Variants in BICRAL observed in about 807,000 individuals in gnomAD.
BICRAL encodes BRD4-interacting chromatin-remodeling complex-associated protein-like.
In BICRAL, 8 loss-of-function variants were observed where a neutral mutation model predicts 91.8. The ratio of observed to expected loss-of-function variants is 0.09; its 90% confidence interval spans 0.05 to 0.16. The LOEUF (loss-of-function observed/expected upper bound fraction) is 0.16, where lower values mean the gene tolerates loss of function less well. Among genes scored for constraint, BICRAL ranks in the 10% least tolerant of loss-of-function variants. The pLI, the probability that BICRAL is intolerant of heterozygous loss-of-function variation, is 1.00. For synonymous variants in BICRAL, 445 were observed against 491.1 expected, an observed-to-expected ratio of 0.91 and a Z score of 1.24; for missense variants, 1,038 against 1,310.9, an observed-to-expected ratio of 0.79 and a Z score of 3.21.
At chr6:42,784,564 A>G (rs888196700) in intron 1 of BICRAL, among the ~76,000 whole-genome samples, 5 of 152,160 alleles carry the variant, frequency 3.3e-5, no homozygotes, top group East Asian at 1.9e-4. Flanking sequence ...TATAATTTCT[A>G]TTATATCAGC....
intron 1 of BICRAL, among the ~76,000 whole-genome samples, chr6:42,773,884 A>G (rs553021308): frequency 2.0e-5 from 3 of 152,350 alleles, no homozygotes; most frequent in African/African-American, 7.2e-5. Context: ...GATCAGAGCA[A>G]TTTTGAAGGG....
chr6:42,822,132 A>G, intron 3 of BICRAL, 69 bp downstream of exon 3: 1 of 894,774 alleles, frequency 1.1e-6, no homozygotes, highest in Non-Finnish European at 1.9e-6. Flanking sequence ...AGACAACCTA[A>G]TAGCATATAA....
intron 1 of BICRAL, among the ~76,000 whole-genome samples, chr6:42,785,939 C>T (rs145128730): frequency 3.0e-4 from 45 of 152,266 alleles, no homozygotes; most frequent in African/African-American, 1.1e-3. Flanking sequence ...CCTGTAATCT[C>T]AGCTACTCAG....
Position 42,843,676 on chromosome 6 carries a change from G to C in BICRAL, c.1840-8416G>C, listed in dbSNP as rs542374659. On this transcript the variant is annotated intron_variant, in intron 6 of 12. Coordinates refer to ENST00000314073, the MANE Select transcript of BICRAL (RefSeq NM_001393499.1). ...ATTTGAAGGGAAGTTACTGAGTTTA[G>C]GGTATGTTCGTCAAGTTTGAGGTAC... is the stretch of plus-strand genomic sequence containing the variant. Among the ~76,000 whole-genome samples the C allele has an allele frequency of 3.3e-5, 5 of 152,222 alleles. No homozygotes were observed. The South Asian group carries it at 1.0e-3, about 32-fold the overall frequency.
At chr6:42,834,653 T>TA (rs1764590118) in intron 6 of BICRAL, among the ~76,000 whole-genome samples, 1 of 152,130 alleles carries the variant, frequency 6.6e-6, no homozygotes, top group Non-Finnish European at 1.5e-5. Flanking sequence ...GTATAAAATA[T>TA]ATTGTATAAA....
Position 42,852,166 on chromosome 6 carries a change from G to C in BICRAL, c.1914G>C (p.Gln638His). The change falls in exon 7 of 13, where the codon CAG becomes CAC. Residue 638 changes from glutamine (Q) to histidine (H), a missense_variant. By Grantham distance (24) the Gln-to-His change is conservative (BLOSUM62 0). Coordinates refer to ENST00000314073, the MANE Select transcript of BICRAL (RefSeq NM_001393499.1). ...PKTTDGLRQA[Q>H]IPGLLSTTLP... ...CCACAGACGGCCTGAGGCAAGCACA[G>C]ATCCCTGGGCTCTTGAGCACCACAC... is the stretch of plus-strand genomic sequence containing the variant. The C allele has an allele frequency of 6.2e-7, 1 of 1,613,226 alleles. No individual in the cohort carries two copies. Among genetic ancestry groups the C allele is most frequent in the Non-Finnish European group, 8.5e-7 (1 of 1,179,152 alleles).
rs1240602712 is a variant in BICRAL, at chr6:42,756,925, C to A, written c.-261+9902C>A. On this transcript the variant is annotated intron_variant, in intron 1 of 14. Coordinates refer to the BICRAL transcript ENST00000614467. The stretch of plus-strand genomic sequence containing the variant: ...CTCTCTCTCTCTCTCCCTCTCCCCC[C>A]CCCCCACCCTCCCTCTCTCCCTCTC... Among the ~76,000 whole-genome samples, 9 of 98,846 alleles carry A rather than the reference C, an allele frequency of 9.1e-5. 1 individual carries two copies. The East Asian group carries it at 1.2e-3, about 13-fold the overall frequency. The allele number at this position is 98,846 out of a possible 152,430, so 64.8% of individuals were successfully genotyped here. A position where few individuals can be genotyped will look rare whatever the true frequency, so the allele number is the denominator to read the frequency against.
chr6:42,857,007 A>G, intron 9 of BICRAL, 84 bp from the exon 10 acceptor site: 1 of 1,160,618 alleles, frequency 8.6e-7, no homozygotes, highest in South Asian at 1.4e-5. Context: ...TATATATCTT[A>G]TTTTATTTGC....
At chr6:42,824,763 G>T (rs1764241576) in intron 5 of BICRAL, among the ~76,000 whole-genome samples, 1 of 152,206 alleles carries the variant, frequency 6.6e-6, no homozygotes, top group Non-Finnish European at 1.5e-5. Flanking sequence ...CATCTTAAAT[G>T]AGAAAAACAA....
chr6:42,766,777 A>C (rs938193865), intron 1 of BICRAL, among the ~76,000 whole-genome samples: 1 of 152,048 alleles, frequency 6.6e-6, no homozygotes, highest in African/African-American at 2.4e-5. Flanking sequence ...GCCGTGGCTC[A>C]CACCTGTAAT....
At chr6:42,823,828 G>A (rs1008438336) in intron 5 of BICRAL, among the ~76,000 whole-genome samples, 1 of 152,084 alleles carries the variant, frequency 6.6e-6, no homozygotes, top group Non-Finnish European at 1.5e-5. Flanking sequence ...GGGAGCCTGT[G>A]GCAGAGAATT....
chr6:42,832,426 T>C (rs1048926284), intron 6 of BICRAL, among the ~76,000 whole-genome samples: 5 of 147,298 alleles, frequency 3.4e-5, no homozygotes, highest in Admixed American at 1.4e-4. Flanking sequence ...TATAATATAT[T>C]ATGTATTTAT....
At chr6:42,802,411 A>G (rs1373102428) in intron 1 of BICRAL, among the ~76,000 whole-genome samples, 1 of 127,468 alleles carries the variant, frequency 7.8e-6, no homozygotes, top group African/African-American at 3.4e-5. Flanking sequence ...TGGCTCTTTC[A>G]GCTTTTCGTG....
intron 1 of BICRAL, among the ~76,000 whole-genome samples, chr6:42,775,405 C>T (rs528792693): frequency 6.6e-6 from 1 of 152,280 alleles, no homozygotes; most frequent in Non-Finnish European, 1.5e-5. Flanking sequence ...ATTATGTGAC[C>T]TCCATTCCAC....
At chr6:42,803,190 ATATTT>A (rs937229903) in intron 1 of BICRAL, among the ~76,000 whole-genome samples, 3 of 152,188 alleles carry the variant, frequency 2.0e-5, no homozygotes, top group Non-Finnish European at 4.4e-5. Context: ...TAATTATTTT[ATATTT>A]ATGTTCAGCA....
At chr6:42,754,348 A>G (rs971356672) in intron 1 of BICRAL, among the ~76,000 whole-genome samples, 1 of 151,204 alleles carries the variant, frequency 6.6e-6, no homozygotes, top group Non-Finnish European at 1.5e-5. Flanking sequence ...ATTTTTTTGT[A>G]TTTTTAGTAG....
At chr6:42,845,662 C>CATTTT (rs1764984407) in intron 6 of BICRAL, among the ~76,000 whole-genome samples, 1 of 152,034 alleles carries the variant, frequency 6.6e-6, no homozygotes, top group East Asian at 1.9e-4. Flanking sequence ...ATGATTGCCC[C>CATTTT]AGGCTATCTT....
upstream of BICRAL, among the ~76,000 whole-genome samples, chr6:42,779,653 A>G (rs140417191): frequency 6.4e-3 from 978 of 152,332 alleles, 3 homozygotes; most frequent in Middle Eastern, 0.014. Flanking sequence ...GCAGTACCAG[A>G]ACAAGATATA....
chr6:42,822,716 C>T, intron 3 of BICRAL, 80 bp from the exon 4 acceptor site: 2 of 707,524 alleles, frequency 2.8e-6, no homozygotes, highest in East Asian at 2.8e-5. Context: ...CATTTTCTTT[C>T]TACTCTAGTA....
Sources: gnomAD v4.1 joint callset for allele counts (sites outside exome capture counted in the v4.1 genomes callset) on GRCh38, gnomAD v4.1.1 for gene constraint, MANE v1.5 for transcripts, NCBI Gene and HGNC (gene_info 2026-07-23, HGNC 2026-07-21) for gene names.